Variants in LRRC4C observed in about 807,000 individuals in gnomAD.
LRRC4C encodes the protein leucine rich repeat containing 4C, also known as leucine-rich repeat-containing protein 4C.
LRRC4C carries 5 observed loss-of-function variants against 33.6 expected under a neutral mutation model. The ratio of observed to expected loss-of-function variants is 0.15; its 90% CI spans 0.08 to 0.31. The LOEUF is 0.31. Ranked by LOEUF, LRRC4C falls within the 10% of genes least tolerant of loss-of-function variation. LRRC4C has a pLI of 1.00. For synonymous variants in LRRC4C, 329 were observed against 302.0 expected (o/e 1.09, Z -0.93); for missense variants, 560 against 796.7 (o/e 0.70, Z 3.58).
At chr11:40,176,096 A>G (rs11035726) in intron 5 of LRRC4C, among the ~76,000 whole-genome samples, 29,154 of 152,152 alleles carry the variant, frequency 0.19, 3,635 homozygotes, top group Non-Finnish European at 0.28. Flanking sequence ...GAATGAGATG[A>G]CATAATAATT....
intron 5 of LRRC4C, among the ~76,000 whole-genome samples, chr11:40,178,609 C>T (rs1590628964): frequency 1.3e-5 from 2 of 152,350 alleles, no homozygotes; most frequent in South Asian, 4.1e-4. Flanking sequence ...TCTCTCCCTT[C>T]TCCACCCTGT....
At chr11:40,342,392 C>T (rs1271564193) in intron 3 of LRRC4C, among the ~76,000 whole-genome samples, 1 of 152,078 alleles carries the variant, frequency 6.6e-6, no homozygotes, top group Non-Finnish European at 1.5e-5. Context: ...TCCCTTGAAC[C>T]CAGGAGGTGG....
At chr11:40,936,866 C>T (rs1957925447) in intron 1 of LRRC4C, among the ~76,000 whole-genome samples, 1 of 152,072 alleles carries the variant, frequency 6.6e-6, no homozygotes, top group South Asian at 2.1e-4. Context: ...AAAACAAGTT[C>T]TAATTTGAAA....
intron 2 of LRRC4C, among the ~76,000 whole-genome samples, chr11:40,882,972 G>A (rs1309965429): frequency 6.6e-6 from 1 of 151,974 alleles, no homozygotes; most frequent in Non-Finnish European, 1.5e-5. Flanking sequence ...TTATATTAGA[G>A]GTATTTTCTT....
At chr11:41,334,024 G>C (rs935371411) in intron 1 of LRRC4C, among the ~76,000 whole-genome samples, 2 of 152,048 alleles carry the variant, frequency 1.3e-5, no homozygotes, top group Middle Eastern at 3.2e-3. Flanking sequence ...TCATAAAAAT[G>C]TTACTCCCTC....
At chr11:40,377,924 T>C (rs547769364) in intron 3 of LRRC4C, among the ~76,000 whole-genome samples, 1 of 152,120 alleles carries the variant, frequency 6.6e-6, no homozygotes, top group Admixed American at 6.6e-5. Context: ...GAAGATAGAT[T>C]ATAAAAAGAA....
rs528065034 is a variant in LRRC4C, at chr11:40,633,490, G to A, written c.-270+14652C>T. 3.7e-3 allele frequency among the ~76,000 whole-genome samples: 565 copies of A among 151,154 alleles called. 4 individuals carry two copies. The highest frequency in any genetic ancestry group is 0.012 in the African/African-American group (501 of 41,098). The stretch of plus-strand genomic sequence containing the variant: ...TGCAACCTCCTCCTCCTAGGTTCAA[G>A]TGATTCTCCTGCCTCAGCCCCCCTA... On this transcript the variant is annotated intron_variant, in intron 3 of 6. Coordinates refer to ENST00000528697, the MANE Select transcript of LRRC4C (RefSeq NM_001258419.2).
intron 2 of LRRC4C, among the ~76,000 whole-genome samples, chr11:40,827,670 T>G (rs985544842): frequency 2.0e-5 from 3 of 151,836 alleles, no homozygotes; most frequent in Non-Finnish European, 4.4e-5. Flanking sequence ...AAAAATAAAC[T>G]ACCTCATTTT....
intron 4 of LRRC4C, among the ~76,000 whole-genome samples, chr11:40,251,023 G>A (rs532235104): frequency 9.9e-5 from 15 of 152,062 alleles, no homozygotes; most frequent in Non-Finnish European, 1.5e-4. Flanking sequence ...TTTTAAATCC[G>A]TGAAAATCTG....
intron 1 of LRRC4C, among the ~76,000 whole-genome samples, chr11:41,251,908 G>T (rs537442734): frequency 1.2e-4 from 18 of 152,152 alleles, no homozygotes; most frequent in African/African-American, 4.1e-4. Context: ...TATTCATGAG[G>T]TATCATGTGA....
intron 1 of LRRC4C, among the ~76,000 whole-genome samples, chr11:41,383,575 C>A (rs762264604): frequency 6.6e-6 from 1 of 151,696 alleles, no homozygotes; most frequent in Admixed American, 6.6e-5. Context: ...TACATAAAAT[C>A]AACACTTGTA....
chr11:41,408,700 G>C (rs919691530), intron 1 of LRRC4C, among the ~76,000 whole-genome samples: 1 of 143,228 alleles, frequency 7.0e-6, no homozygotes, highest in Non-Finnish European at 1.5e-5. Flanking sequence ...CGCTGCTTTA[G>C]ATTATTTTAG....
chr11:41,324,264 C>G (rs1951041882), intron 1 of LRRC4C, among the ~76,000 whole-genome samples: 1 of 152,098 alleles, frequency 6.6e-6, no homozygotes. Flanking sequence ...AACCCAGTCT[C>G]TACTAAAAAT....
At chr11:40,330,624 CT>C (rs1456843037) in intron 3 of LRRC4C, among the ~76,000 whole-genome samples, 1 of 152,100 alleles carries the variant, frequency 6.6e-6, no homozygotes, top group African/African-American at 2.4e-5. Context: ...GAAGGCACCT[CT>C]TCACAGGGTG....
At chr11:40,999,644 T>A (rs1182039279) in intron 1 of LRRC4C, among the ~76,000 whole-genome samples, 1 of 151,964 alleles carries the variant, frequency 6.6e-6, no homozygotes, top group Non-Finnish European at 1.5e-5. Context: ...CTACTCTATA[T>A]TCAGATCAAT....
intron 4 of LRRC4C, among the ~76,000 whole-genome samples, chr11:40,295,192 T>C (rs1311819337): frequency 6.6e-6 from 1 of 152,200 alleles, no homozygotes; most frequent in Admixed American, 6.5e-5. Flanking sequence ...TTTACATTGG[T>C]TTCTTTCTCC....
At chr11:41,089,694 T>A (rs1940261507) in intron 1 of LRRC4C, among the ~76,000 whole-genome samples, 1 of 152,110 alleles carries the variant, frequency 6.6e-6, no homozygotes, top group Admixed American at 6.6e-5. Flanking sequence ...CAGATGTATA[T>A]CTGACATATA....
At chr11:40,204,535 C>T (rs1489068406) in intron 5 of LRRC4C, among the ~76,000 whole-genome samples, 2 of 152,156 alleles carry the variant, frequency 1.3e-5, no homozygotes, top group East Asian at 3.9e-4. Flanking sequence ...ATGTAATCAA[C>T]AAGGAGACAG....
intron 1 of LRRC4C, among the ~76,000 whole-genome samples, chr11:41,183,809 G>A (rs1344428556): frequency 6.6e-6 from 1 of 152,158 alleles, no homozygotes; most frequent in Non-Finnish European, 1.5e-5. Flanking sequence ...GGTTCTCCAT[G>A]AGAGCCCCAT....
Sources: gnomAD v4.1 joint callset for allele counts (sites outside exome capture counted in the v4.1 genomes callset) on GRCh38, gnomAD v4.1.1 for gene constraint, MANE v1.5 for transcripts, NCBI Gene and HGNC (gene_info 2026-07-23, HGNC 2026-07-21) for gene names.